The following TRIM14 variants were observed in gnomAD, a reference collection of about 807,000 sequenced individuals.
TRIM14 encodes tripartite motif containing 14, also known as tripartite motif-containing protein 14.
Under a neutral mutation model 44.5 loss-of-function variants are expected in TRIM14, and 28 were observed. The observed-to-expected ratio is 0.63, with a 90% CI of 0.47 to 0.86. The LOEUF (loss-of-function observed/expected upper bound fraction) is 0.86, where lower values mean the gene tolerates loss of function less well. Ranked by LOEUF, TRIM14 falls within the 40% of genes least tolerant of loss-of-function variation. The pLI is 0.00. For missense variants in TRIM14, 607 were observed against 611.1 expected (o/e 0.99, Z 0.07); for synonymous variants, 299 against 269.2 (o/e 1.11, Z -1.08).
At chr9:98,056,970 T>A in the TRIM14 span, 5 of 1,547,310 alleles carry the variant, frequency 3.2e-6, no homozygotes, top group African/African-American at 7.1e-5. Context: ...GACCCGGGAT[T>A]CGGGCGCCGG....
At position 98,087,641 on chromosome 9, in the gene TRIM14, G is replaced by A. The variant is rs1409005229; in HGVS notation, c.1158C>T (p.Asp386=). 6.2e-7 allele frequency: 1 copy of A among 1,604,822 alleles called. No homozygotes were observed. The highest frequency in any genetic ancestry group is 8.5e-7 in the Non-Finnish European group (1 of 1,178,536). Residue 386 remains aspartate (D), a synonymous_variant, in exon 6 of 6, where the codon GAC becomes GAT. Coordinates refer to ENST00000341469, the MANE Select transcript of TRIM14 (RefSeq NM_014788.4). The stretch of plus-strand genomic sequence containing the variant: ...GGAAGACGCCGAGCCGGTCGAGGTC[G>A]TCGCGGGGCCGCAGGCGGCTGCGCT... ...DGQRSRLRPR[D]DLDRLGVFLD... is the part of the protein sequence containing the mutation.
At chr9:98,041,166 G>A in the TRIM14 span, among the ~76,000 whole-genome samples, 1 of 151,930 alleles carries the variant, frequency 6.6e-6, no homozygotes, top group Non-Finnish European at 1.5e-5. Flanking sequence ...TCTAGGATGA[G>A]GAATAAAATT....
chr9:98,078,348 G>A (rs750444122), intron 6 of TRIM14: 1 of 1,613,692 alleles, frequency 6.2e-7, no homozygotes, highest in East Asian at 2.2e-5. Flanking sequence ...GGTCATCTCG[G>A]TGAGCAGGAG....
At chr9:98,050,378 C>G in the TRIM14 span, among the ~76,000 whole-genome samples, 1 of 152,168 alleles carries the variant, frequency 6.6e-6, no homozygotes, top group African/African-American at 2.4e-5. Context: ...TTGAAACCCA[C>G]TGGGAAACAG....
At chr9:98,056,915 C>A in the TRIM14 span, 1 of 1,608,606 alleles carries the variant, frequency 6.2e-7, no homozygotes, top group African/African-American at 1.3e-5. Context: ...CTGGACGTAG[C>A]CAAGCGCATG....
intron 1 of TRIM14, among the ~76,000 whole-genome samples, chr9:98,112,016 C>T (rs942460349): frequency 5.3e-5 from 8 of 152,046 alleles, no homozygotes; most frequent in Non-Finnish European, 7.4e-5. Flanking sequence ...CATTATAAAA[C>T]GTCTGAATCA....
chr9:98,111,425 A>C (rs1277930153), intron 1 of TRIM14, among the ~76,000 whole-genome samples: 1 of 152,162 alleles, frequency 6.6e-6, no homozygotes, highest in African/African-American at 2.4e-5. Flanking sequence ...AACAACAAAC[A>C]AAACAAAACA....
intron 3 of TRIM14, among the ~76,000 whole-genome samples, chr9:98,096,749 G>A (rs1482874068): frequency 6.6e-6 from 1 of 152,006 alleles, no homozygotes; most frequent in African/African-American, 2.4e-5. Context: ...CTTGGTCCAG[G>A]CCACCATCAT....
At chr9:98,112,264 G>T (rs1024424031) in intron 1 of TRIM14, among the ~76,000 whole-genome samples, 2 of 152,210 alleles carry the variant, frequency 1.3e-5, no homozygotes, top group African/African-American at 4.8e-5. Context: ...TTTACAGAGT[G>T]TATAAAGTCA....
intron 1 of TRIM14, among the ~76,000 whole-genome samples, chr9:98,116,301 CAAAAAAA>C (rs35650458): frequency 1.0e-5 from 1 of 98,622 alleles, no homozygotes; most frequent in Non-Finnish European, 2.0e-5. Flanking sequence ...GACCCTGTCT[CAAAAAAA>C]AAAAAAAAAA....
At chr9:98,064,067 A>C in the TRIM14 span, among the ~76,000 whole-genome samples, 6 of 152,204 alleles carry the variant, frequency 3.9e-5, no homozygotes, top group Non-Finnish European at 8.8e-5. Flanking sequence ...GAGTTGAAAG[A>C]AGCACACATG....
intron 5 of TRIM14, 75 bp from the exon 6 acceptor site, chr9:98,088,080 C>G: frequency 7.3e-7 from 1 of 1,367,716 alleles, no homozygotes; most frequent in Non-Finnish European, 9.4e-7. Context: ...AACCCACCAA[C>G]GCACGTGCAA....
chr9:98,082,376 C>G (rs1343464759), downstream of TRIM14, among the ~76,000 whole-genome samples: 1 of 152,128 alleles, frequency 6.6e-6, no homozygotes, highest in African/African-American at 2.4e-5. Flanking sequence ...GCCAAGTCAC[C>G]CACCCTGTAT....
At position 98,100,119 on chromosome 9, in the gene TRIM14, C is replaced by G; in HGVS notation, c.349G>C (p.Glu117Gln). Residue 117 changes from glutamate to glutamine, a missense_variant, in exon 3 of 6, where the codon GAA (glutamate) becomes CAA (glutamine). This residue lies in a region of TRIM14 where 246 missense variants were observed against 270.8 expected (regional missense o/e 0.91). Coordinates refer to ENST00000341469, the MANE Select transcript of TRIM14 (RefSeq NM_014788.4). ...TCTTCGTCAAGTAGTAATCTGAGTT[C>G]AGTGAATTTCCCCTTCAGCCAGGTT... ...SKTWLKGKFT[E>Q]LRLLLDEEEA... The G allele has an allele frequency of 1.2e-6, 2 of 1,614,168 alleles. No individual in the cohort carries two copies. Among genetic ancestry groups the G allele is most frequent in the Non-Finnish European group, 1.7e-6 (2 of 1,180,048 alleles).
At chr9:98,088,472 A>G (rs1399615378) in intron 5 of TRIM14, among the ~76,000 whole-genome samples, 2 of 152,048 alleles carry the variant, frequency 1.3e-5, no homozygotes, top group African/African-American at 4.8e-5. Flanking sequence ...CTCCTGCCTC[A>G]GCCTCCCGAG....
the TRIM14 span, among the ~76,000 whole-genome samples, chr9:98,057,992 G>A: frequency 2.5e-5 from 3 of 119,476 alleles, no homozygotes; most frequent in Non-Finnish European, 4.8e-5. Context: ...GCATGATCCC[G>A]GCTCACTGCA....
the TRIM14 span, among the ~76,000 whole-genome samples, chr9:98,051,501 T>C: frequency 1.4e-5 from 2 of 147,742 alleles, no homozygotes; most frequent in East Asian, 3.9e-4. Context: ...TGTGGAACCA[T>C]AGACTTTACA....
At chr9:98,112,880 G>A (rs1162839726) in intron 1 of TRIM14, among the ~76,000 whole-genome samples, 1 of 149,940 alleles carries the variant, frequency 6.7e-6, no homozygotes, top group African/African-American at 2.5e-5. Flanking sequence ...TTAGGAGGCC[G>A]AGACAGGTGG....
At chr9:98,118,081 T>C (rs1371736058) in intron 1 of TRIM14, among the ~76,000 whole-genome samples, 4 of 152,026 alleles carry the variant, frequency 2.6e-5, no homozygotes, top group Admixed American at 2.6e-4. Context: ...GGAGAAAGGC[T>C]CACGATGGGG....
Sources: gnomAD v4.1 joint callset for allele counts (sites outside exome capture counted in the v4.1 genomes callset) on GRCh38, gnomAD v4.1.1 for gene constraint, gnomAD v4.1.1 regional missense constraint, MANE v1.5 for transcripts, NCBI Gene and HGNC (gene_info 2026-07-23, HGNC 2026-07-21) for gene names.